The following PPP2R5E variants were observed in gnomAD, a reference collection of about 807,000 sequenced individuals.
PPP2R5E encodes serine/threonine-protein phosphatase 2A 56 kDa regulatory subunit epsilon isoform.
PPP2R5E carries 4 observed loss-of-function variants against 65.3 expected under a neutral mutation model. That is an observed-to-expected ratio of 0.06 (90% confidence interval 0.03 to 0.14). The LOEUF (loss-of-function observed/expected upper bound fraction) is 0.14. Ranked by LOEUF, PPP2R5E falls within the 10% of genes least tolerant of loss-of-function variation. The pLI is 1.00. For synonymous variants in PPP2R5E, 183 were observed against 187.4 expected (o/e 0.98, Z 0.19); for missense variants, 274 against 556.1 (o/e 0.49, Z 5.10).
At position 63,382,170 on chromosome 14, in the gene PPP2R5E, GA is replaced by G; in HGVS notation, c.1203-14del. 6.3e-7 allele frequency: 1 copy of G among 1,595,776 alleles called. No individual in the cohort carries two copies. Among genetic ancestry groups the G allele is most frequent in the Non-Finnish European group, 8.6e-7 (1 of 1,168,128 alleles). On this transcript the variant is annotated splice_polypyrimidine_tract_variant and intron_variant, in intron 12 of 13. Transcript: ENST00000337537. ...CGCCACAATAGCCCTGGAAAGCACA[GA>G]AAAAAAGGAGTGTGTTAGTTAGTCT...
intron 10 of PPP2R5E, among the ~76,000 whole-genome samples, chr14:63,391,393 C>A (rs1446112492): frequency 7.0e-6 from 1 of 142,638 alleles, no homozygotes; most frequent in Non-Finnish European, 1.5e-5. Context: ...TGAGATGATG[C>A]AGTTTTGCTT....
intron 13 of PPP2R5E, among the ~76,000 whole-genome samples, chr14:63,377,522 T>C (rs531514543): frequency 1.3e-5 from 2 of 152,194 alleles, no homozygotes; most frequent in Admixed American, 6.5e-5. Context: ...TGAGGAAATG[T>C]TGAATTATAA....
intron 2 of PPP2R5E, among the ~76,000 whole-genome samples, chr14:63,464,870 A>T (rs1889700753): frequency 6.6e-6 from 1 of 152,144 alleles, no homozygotes; most frequent in African/African-American, 2.4e-5. Context: ...TAAAAATATA[A>T]AAATTAGCCA....
intron 3 of PPP2R5E, chr14:63,451,650 A>T (rs1222253227): frequency 6.6e-6 from 1 of 152,190 alleles, no homozygotes; most frequent in Non-Finnish European, 1.5e-5. Context: ...ATGTCATTAC[A>T]CATTTGTCTA....
At chr14:63,389,956 G>C (rs1448534861) in intron 10 of PPP2R5E, among the ~76,000 whole-genome samples, 3 of 151,944 alleles carry the variant, frequency 2.0e-5, no homozygotes, top group Admixed American at 2.0e-4. Context: ...TACTCTACTT[G>C]GTATATATAT....
In PPP2R5E at chr14:63,374,020, A is replaced by C. The variant is rs1227072200; in HGVS notation, c.*1989T>G. 8.6e-5 allele frequency: 13 copies of C among 151,436 alleles called. No individual in the cohort carries two copies. The highest frequency in any genetic ancestry group is 3.9e-4 in the Admixed American group (6 of 15,206). The allele number at this position is 151,436 out of a possible 1,614,324, so 9.4% of individuals were successfully genotyped here. On this transcript the variant is annotated 3_prime_UTR_variant, in exon 14 of 14. Transcript: ENST00000337537. ...AATGTTCTTTAAAAAAAAAAAAAAA[A>C]AAACTATTAATTCCATTAAACCATG...
At chr14:63,529,035 G>T (rs1893300220) in intron 2 of PPP2R5E, among the ~76,000 whole-genome samples, 2 of 152,096 alleles carry the variant, frequency 1.3e-5, no homozygotes, top group Admixed American at 1.3e-4. Flanking sequence ...AAGAGACAAG[G>T]GTCTTGCTGT....
rs1477519664 is a variant in PPP2R5E at position 63,374,125 on chromosome 14, TG to T, written c.*1883del. The T allele has an allele frequency of 6.6e-6, 1 of 151,992 alleles. No homozygotes were observed. Among genetic ancestry groups the T allele is most frequent in the Non-Finnish European group, 1.5e-5 (1 of 67,988 alleles). 9.4% of individuals were successfully genotyped at this position (151,992 alleles called of 1,614,324 possible). A position where few individuals can be genotyped will look rare whatever the true frequency, so the allele number is the denominator to read the frequency against. Reference sequence around the variant, plus strand: ...TGGAATTAACAATGCCAGTTTTGTTTGTTTTTTTACAAAGTTACCGAGATGA... The same window carrying T: ...TGGAATTAACAATGCCAGTTTTGTTTTTTTTTTACAAAGTTACCGAGATGA... On this transcript the variant is annotated 3_prime_UTR_variant, in exon 14 of 14. Coordinates refer to ENST00000337537, the MANE Select transcript of PPP2R5E (RefSeq NM_006246.5).
intron 3 of PPP2R5E, among the ~76,000 whole-genome samples, chr14:63,439,386 T>C (rs1306395502): frequency 2.6e-5 from 4 of 151,870 alleles, no homozygotes; most frequent in Non-Finnish European, 5.9e-5. Context: ...TTTGTTTCTG[T>C]TTTTTGAGAC....
At chr14:63,384,022 C>T (rs1884517997) in intron 12 of PPP2R5E, among the ~76,000 whole-genome samples, 2 of 152,156 alleles carry the variant, frequency 1.3e-5, no homozygotes, top group Non-Finnish European at 2.9e-5. Flanking sequence ...CCCAAACTCA[C>T]AGGTCTCAGA....
At chr14:63,399,366 C>CTTTTTTTT (rs397814218) in intron 5 of PPP2R5E, among the ~76,000 whole-genome samples, 535 of 48,566 alleles carry the variant, frequency 0.011, 84 homozygotes, top group Non-Finnish European at 0.014. Context: ...GGATTTCTTT[C>CTTTTTTTT]TTTTTTTTTT....
chr14:63,510,071 A>G (rs1202332267), intron 2 of PPP2R5E, among the ~76,000 whole-genome samples: 2 of 152,276 alleles, frequency 1.3e-5, no homozygotes, highest in Non-Finnish European at 2.9e-5. Flanking sequence ...ATTTAAATCC[A>G]TGAAGATGGG....
chr14:63,459,838 A>G (rs1889356279), intron 2 of PPP2R5E, among the ~76,000 whole-genome samples: 1 of 152,122 alleles, frequency 6.6e-6, no homozygotes, highest in African/African-American at 2.4e-5. Context: ...TCTCTCCATT[A>G]TTTAAAGCTA....
chr14:63,420,044 A>T (rs1404378546), intron 4 of PPP2R5E, among the ~76,000 whole-genome samples: 1 of 152,228 alleles, frequency 6.6e-6, no homozygotes, highest in African/African-American at 2.4e-5. Context: ...ATTAACTGTA[A>T]TAATGAGTAA....
chr14:63,446,467 T>C (rs1888480105), intron 3 of PPP2R5E, among the ~76,000 whole-genome samples: 1 of 152,182 alleles, frequency 6.6e-6, no homozygotes, highest in African/African-American at 2.4e-5. Flanking sequence ...TCTTAAATAA[T>C]AAGACTTGAA....
intron 2 of PPP2R5E, among the ~76,000 whole-genome samples, chr14:63,515,104 C>T (rs374058271): frequency 2.8e-4 from 42 of 152,016 alleles, no homozygotes; most frequent in African/African-American, 9.7e-4. Context: ...CTCCGTACAA[C>T]CCTAAGCAAG....
At chr14:63,518,327 A>T (rs1438383420) in intron 2 of PPP2R5E, among the ~76,000 whole-genome samples, 1 of 152,042 alleles carries the variant, frequency 6.6e-6, no homozygotes, top group Non-Finnish European at 1.5e-5. Context: ...CTGCAGCCTC[A>T]AACTCCTGGG....
chr14:63,536,464 A>G (rs1482597858), intron 2 of PPP2R5E, among the ~76,000 whole-genome samples: 5 of 152,232 alleles, frequency 3.3e-5, no homozygotes, highest in Non-Finnish European at 7.3e-5. Flanking sequence ...TTGCTGTGGC[A>G]ATATGTATGG....
intron 5 of PPP2R5E, among the ~76,000 whole-genome samples, chr14:63,413,681 T>G (rs1886528459): frequency 6.6e-6 from 1 of 152,230 alleles, no homozygotes. Context: ...CAATACAAAA[T>G]GTAGATCTAC....
Sources: allele counts gnomAD v4.1 joint callset (sites outside exome capture counted in the v4.1 genomes callset), GRCh38; gene constraint gnomAD v4.1.1; transcripts MANE v1.5; gene names NCBI Gene and HGNC (gene_info 2026-07-23, HGNC 2026-07-21).